The following DPF3 variants were observed in gnomAD, a reference collection of about 807,000 sequenced individuals.
DPF3 encodes the protein zinc finger protein DPF3.
Under a neutral mutation model 56.8 loss-of-function variants are expected in DPF3, and 18 were observed. That is an observed-to-expected ratio of 0.32 (90% CI 0.22 to 0.47). The LOEUF (loss-of-function observed/expected upper bound fraction) is 0.47, where lower values mean the gene tolerates loss of function less well. Among genes scored for constraint, DPF3 ranks in the 20% least tolerant of loss-of-function variants. The pLI is 1.00. For synonymous variants in DPF3, 188 were observed against 180.2 expected (o/e 1.04, Z -0.35); for missense variants, 403 against 488.8 (o/e 0.82, Z 1.65).
intron 1 of DPF3, among the ~76,000 whole-genome samples, chr14:72,856,849 A>G (rs907344562): frequency 1.3e-5 from 2 of 152,212 alleles, no homozygotes; most frequent in Non-Finnish European, 2.9e-5. Flanking sequence ...TGTGCCCCTC[A>G]GTAACTGTGC....
chr14:72,710,280 G>C (rs569818393), intron 6 of DPF3, among the ~76,000 whole-genome samples: 2 of 152,346 alleles, frequency 1.3e-5, no homozygotes, highest in South Asian at 2.1e-4. Flanking sequence ...TAAGGATACT[G>C]CTAGGATTTA....
chr14:72,665,790 G>A (rs944292958), intron 8 of DPF3, among the ~76,000 whole-genome samples: 3 of 152,210 alleles, frequency 2.0e-5, no homozygotes, highest in Non-Finnish European at 2.9e-5. Flanking sequence ...GCATCGATGT[G>A]AATTTCCTGA....
chr14:72,644,713 T>C (rs1885664870), intron 8 of DPF3, among the ~76,000 whole-genome samples: 1 of 152,164 alleles, frequency 6.6e-6, no homozygotes, highest in Non-Finnish European at 1.5e-5. Context: ...CTCACAAGTG[T>C]TCAAAGATTC....
chr14:72,671,310 C>T (rs1439272054), intron 8 of DPF3: 1 of 1,614,034 alleles, frequency 6.2e-7, no homozygotes, highest in Admixed American at 1.7e-5. Flanking sequence ...CTGCCTCCTT[C>T]TCCTTCCTGC....
chr14:72,643,139 C>T (rs1026805290), intron 8 of DPF3, among the ~76,000 whole-genome samples: 2 of 152,200 alleles, frequency 1.3e-5, no homozygotes, highest in African/African-American at 4.8e-5. Flanking sequence ...TACACCATGT[C>T]CTAGGATGGC....
At chr14:72,729,455 G>A (rs547621870) in intron 4 of DPF3, among the ~76,000 whole-genome samples, 2 of 152,004 alleles carry the variant, frequency 1.3e-5, no homozygotes, top group Non-Finnish European at 2.9e-5. Context: ...GTCAGAGAGG[G>A]GTGAGAAGGC....
At chr14:72,774,390 A>G (rs892726034) in intron 1 of DPF3, among the ~76,000 whole-genome samples, 8 of 150,886 alleles carry the variant, frequency 5.3e-5, no homozygotes, top group Non-Finnish European at 7.4e-5. Context: ...ACTGTTTTTC[A>G]TGGCAGCTGT....
intron 3 of DPF3, among the ~76,000 whole-genome samples, chr14:72,751,701 T>A (rs1485858128): frequency 6.6e-6 from 1 of 152,234 alleles, no homozygotes; most frequent in Non-Finnish European, 1.5e-5. Flanking sequence ...GCTGAAATGA[T>A]GTTTTTGATA....
chr14:72,768,982 CAAAT>C (rs1891406177), intron 2 of DPF3, among the ~76,000 whole-genome samples: 1 of 145,544 alleles, frequency 6.9e-6, no homozygotes, highest in Non-Finnish European at 1.5e-5. Flanking sequence ...TAAAATAAAG[CAAAT>C]AAGTAATTAC....
intron 1 of DPF3, among the ~76,000 whole-genome samples, chr14:72,887,999 G>A (rs1599528011): frequency 6.6e-6 from 1 of 152,206 alleles, no homozygotes; most frequent in East Asian, 1.9e-4. Context: ...TCAGCAACCT[G>A]AGATGATCAC....
intron 5 of DPF3, among the ~76,000 whole-genome samples, chr14:72,715,794 T>C (rs1888895989): frequency 6.6e-6 from 1 of 151,508 alleles, no homozygotes; most frequent in African/African-American, 2.4e-5. Flanking sequence ...AGCTTGTCTC[T>C]CTCCAAAACA....
At chr14:72,650,402 G>C (rs1217352589) in intron 8 of DPF3, among the ~76,000 whole-genome samples, 2 of 152,238 alleles carry the variant, frequency 1.3e-5, no homozygotes, top group Admixed American at 6.5e-5. Flanking sequence ...TCAGCTGAAG[G>C]AAGCAGCCTG....
At chr14:72,643,602 G>T (rs1885625376) in intron 8 of DPF3, among the ~76,000 whole-genome samples, 1 of 152,212 alleles carries the variant, frequency 6.6e-6, no homozygotes, top group Non-Finnish European at 1.5e-5. Flanking sequence ...GAGGGGTCAT[G>T]CCCCCCGCCA....
chr14:72,811,068 T>G (rs147355672), intron 1 of DPF3, among the ~76,000 whole-genome samples: 1 of 152,140 alleles, frequency 6.6e-6, no homozygotes, highest in Non-Finnish European at 1.5e-5. Flanking sequence ...GCGTGTCACA[T>G]GGTGAGAGCA....
intron 1 of DPF3, chr14:72,835,980 G>T: frequency 2.2e-6 from 2 of 906,628 alleles, no homozygotes; most frequent in Non-Finnish European, 2.6e-6. Flanking sequence ...AGATACACCC[G>T]CCGGAGACCA....
At chr14:72,868,287 A>G (rs1483628001) in intron 1 of DPF3, among the ~76,000 whole-genome samples, 2 of 152,114 alleles carry the variant, frequency 1.3e-5, no homozygotes, top group African/African-American at 4.8e-5. Context: ...AATGGTCTCT[A>G]CTAGGATGCC....
chr14:72,695,298 A>G (rs1319603447), intron 6 of DPF3, among the ~76,000 whole-genome samples: 1 of 152,202 alleles, frequency 6.6e-6, no homozygotes, highest in African/African-American at 2.4e-5. Context: ...TGTTCAATAA[A>G]TGGTAAATGA....
chr14:72,805,866 C>T (rs1410385593), intron 1 of DPF3: 2 of 152,022 alleles, frequency 1.3e-5, no homozygotes, highest in African/African-American at 4.8e-5. Context: ...AATAAAATAA[C>T]AAAGGTGTGA....
At chr14:72,869,605 C>T (rs934551856) in intron 1 of DPF3, among the ~76,000 whole-genome samples, 14 of 152,068 alleles carry the variant, frequency 9.2e-5, no homozygotes, top group African/African-American at 3.4e-4. Flanking sequence ...AGGCTCTTCC[C>T]AGTAAGAGCA....
Sources: gnomAD v4.1 joint callset for allele counts (sites outside exome capture counted in the v4.1 genomes callset) on GRCh38, gnomAD v4.1.1 for gene constraint, MANE v1.5 for transcripts, NCBI Gene and HGNC (gene_info 2026-07-23, HGNC 2026-07-21) for gene names.